Variants in ARL14EP observed in about 807,000 individuals in gnomAD.
ARL14EP encodes ARF like GTPase 14 effector protein.
A neutral mutation model predicts 23.1 loss-of-function variants in ARL14EP; 12 were observed. The observed-to-expected ratio is 0.52, with a 90% CI of 0.33 to 0.84. The LOEUF (loss-of-function observed/expected upper bound fraction) is 0.84. Among genes scored for constraint, ARL14EP ranks in the 40% least tolerant of loss-of-function variants. ARL14EP has a pLI of 0.02. For missense variants in ARL14EP, 253 were observed against 307.3 expected, an observed-to-expected ratio of 0.82 and a Z score of 1.32; for synonymous variants, 97 against 102.0, an observed-to-expected ratio of 0.95 and a Z score of 0.29.
intron 2 of ARL14EP, chr11:30,331,601 A>C: frequency 1.4e-6 from 2 of 1,387,984 alleles, no homozygotes; most frequent in Non-Finnish European, 1.9e-6. Flanking sequence ...AATATGCCTA[A>C]GACTCCAAGC....
chr11:30,323,682 T>C (rs1368435663), intron 1 of ARL14EP, among the ~76,000 whole-genome samples: 1 of 152,142 alleles, frequency 6.6e-6, no homozygotes, highest in East Asian at 1.9e-4. Context: ...GATCTGGTGG[T>C]TTTAGTCATT....
chr11:30,330,660 C>T (rs1033867190), intron 1 of ARL14EP: 1 of 323,592 alleles, frequency 3.1e-6, no homozygotes, highest in South Asian at 3.7e-5. Context: ...CTTTTTAATT[C>T]TTATGTGGTC....
chr11:30,333,014 GA>G (rs1365080196), intron 3 of ARL14EP, 21 bp downstream of exon 3: 1 of 1,611,272 alleles, frequency 6.2e-7, no homozygotes, highest in Admixed American at 1.7e-5. Flanking sequence ...TGTTACTGAA[GA>G]CATGTTAACT....
At chr11:30,331,428 T>G (rs1947282760) in intron 2 of ARL14EP, 54 bp downstream of exon 2, 1 of 1,610,386 alleles carries the variant, frequency 6.2e-7, no homozygotes, top group Non-Finnish European at 8.5e-7. Context: ...TGTAGGATTT[T>G]GCTTAACTAT....
At chr11:30,335,460 A>C (rs946748196) in intron 3 of ARL14EP, among the ~76,000 whole-genome samples, 1 of 152,162 alleles carries the variant, frequency 6.6e-6, no homozygotes, top group African/African-American at 2.4e-5. Flanking sequence ...CTACAGAGAA[A>C]TCTTTTGTAA....
chr11:30,333,082 G>A, intron 3 of ARL14EP, 89 bp downstream of exon 3: 3 of 1,528,562 alleles, frequency 2.0e-6, no homozygotes, highest in Non-Finnish European at 2.7e-6. Flanking sequence ...GAATTTTCTG[G>A]GTTCATATTT....
At position 30,337,452 on chromosome 11, in the gene ARL14EP, A is replaced by G. The variant is rs1947342735; in HGVS notation, c.*657A>G. 6.6e-6 allele frequency: 1 copy of G among 152,368 alleles called. No individual in the cohort carries two copies. The highest frequency in any genetic ancestry group is 2.1e-4 in the South Asian group (1 of 4,830). 9.4% of individuals were successfully genotyped at this position (152,368 alleles called of 1,614,324 possible). On this transcript the variant is annotated 3_prime_UTR_variant, in exon 4 of 4. Coordinates refer to ENST00000282032, the MANE Select transcript of ARL14EP (RefSeq NM_152316.3). ...TGAAAGTGCAGCAAAGCAATGAAAAATGATAACACTGGAAGTGAAATTTTA... is the reference window on the plus strand; with the variant it reads ...TGAAAGTGCAGCAAAGCAATGAAAAGTGATAACACTGGAAGTGAAATTTTA...
Position 30,331,385 on chromosome 11 carries a change from T to A in ARL14EP, c.426+11T>A. 2 of 1,613,786 alleles carry A rather than the reference T, an allele frequency of 1.2e-6. No individual in the cohort carries two copies. Among genetic ancestry groups the A allele is most frequent in the Non-Finnish European group, 1.7e-6 (2 of 1,179,786 alleles). The stretch of plus-strand genomic sequence containing the variant: ...AAACCTGAGTCAGATGTATGTGTAA[T>A]AGTCATTTTTTTCTACATTGTGAAT... On this transcript the variant is annotated intron_variant, in intron 2 of 3. Transcript: ENST00000282032.
At chr11:30,324,293 T>C (rs988816876) in intron 1 of ARL14EP, among the ~76,000 whole-genome samples, 6 of 152,198 alleles carry the variant, frequency 3.9e-5, no homozygotes, top group Admixed American at 3.9e-4. Context: ...TTTTTATGTT[T>C]TTCATAAAAG....
At chr11:30,334,411 T>C (rs1947315600) in intron 3 of ARL14EP, among the ~76,000 whole-genome samples, 1 of 151,736 alleles carries the variant, frequency 6.6e-6, no homozygotes. Flanking sequence ...GAGACGGGTT[T>C]CACCATGTTA....
intron 1 of ARL14EP, chr11:30,329,334 A>G (rs1447198747): frequency 6.6e-6 from 1 of 152,124 alleles, no homozygotes; most frequent in Non-Finnish European, 1.5e-5. Context: ...TTGTATGAGT[A>G]ACGATTTCAC....
At chr11:30,335,776 ATGTGTG>A (rs10601449) in intron 3 of ARL14EP, among the ~76,000 whole-genome samples, 6 of 146,998 alleles carry the variant, frequency 4.1e-5, no homozygotes, top group Non-Finnish European at 6.0e-5. Context: ...ATATATATAT[ATGTGTG>A]TGTGTGTGTG....
In ARL14EP at chr11:30,331,064, T is replaced by C. The variant is rs751890528; in HGVS notation, c.116T>C (p.Met39Thr). The change falls in exon 2 of 4, where the codon ATG (methionine) becomes ACG (threonine). Residue 39 changes from methionine to threonine, a missense_variant. By Grantham distance (81) the Met-to-Thr change is moderately conservative (BLOSUM62 -1). Coordinates refer to ENST00000282032, the MANE Select transcript of ARL14EP (RefSeq NM_152316.3). ...TTGCAAGAATTGTCATCAAATGATA[T>C]GCTTTTACTTCAACTTAGAACTGGA... ...KTLQELSSND[M>T]LLLQLRTGMT... is the part of the protein sequence containing the mutation. 1.2e-6 allele frequency: 2 copies of C among 1,613,932 alleles called. No individual in the cohort carries two copies. The highest frequency in any genetic ancestry group is 8.5e-7 in the Non-Finnish European group (1 of 1,179,830).
chr11:30,335,113 G>A (rs1022657866), intron 3 of ARL14EP, among the ~76,000 whole-genome samples: 1 of 152,222 alleles, frequency 6.6e-6, no homozygotes, highest in Non-Finnish European at 1.5e-5. Context: ...CCTCATGGAT[G>A]ACTTTGAGGG....
chr11:30,324,561 G>C (rs1343510843), intron 1 of ARL14EP, among the ~76,000 whole-genome samples: 1 of 151,846 alleles, frequency 6.6e-6, no homozygotes, highest in Admixed American at 6.6e-5. Context: ...TGGGGGGGGT[G>C]TTCTGCATTA....
In ARL14EP at chr11:30,330,903, C is replaced by G; in HGVS notation, c.-46C>G. On this transcript the variant is annotated 5_prime_UTR_variant, in exon 2 of 4. Transcript: ENST00000282032. ...TTCTCTAGGGTGATCAGCCCATGAC[C>G]TAAACCTCCAGACAAAATAAAACGG... 6.4e-7 allele frequency: 1 copy of G among 1,566,628 alleles called. No individual in the cohort carries two copies. The highest frequency in any genetic ancestry group is 8.7e-7 in the Non-Finnish European group (1 of 1,154,752).
intron 1 of ARL14EP, among the ~76,000 whole-genome samples, chr11:30,327,822 A>G (rs1349805732): frequency 7.3e-6 from 1 of 136,380 alleles, no homozygotes; most frequent in Non-Finnish European, 1.6e-5. Context: ...AAAAAAAAGC[A>G]AAATTTAGCC....
intron 3 of ARL14EP, among the ~76,000 whole-genome samples, chr11:30,336,291 T>TAA (rs1160056322): frequency 6.6e-6 from 1 of 152,204 alleles, no homozygotes; most frequent in African/African-American, 2.4e-5. Flanking sequence ...CATTCTTTTT[T>TAA]GTTTGTTTAA....
chr11:30,324,861 T>A (rs1301939935), intron 1 of ARL14EP, among the ~76,000 whole-genome samples: 1 of 152,204 alleles, frequency 6.6e-6, no homozygotes, highest in East Asian at 1.9e-4. Flanking sequence ...CTCTTTTGAT[T>A]CTTAGGTAGT....
Sources: gnomAD v4.1 joint callset for allele counts (sites outside exome capture counted in the v4.1 genomes callset) on GRCh38, gnomAD v4.1.1 for gene constraint, MANE v1.5 for transcripts, NCBI Gene and HGNC (gene_info 2026-07-23, HGNC 2026-07-21) for gene names.